RELT: variants seen among roughly 807,000 people sequenced by gnomAD.
The protein encoded by RELT is tumor necrosis factor receptor superfamily member 19L.
In RELT, 37 loss-of-function variants were observed where a neutral mutation model predicts 51.1. That is an observed-to-expected ratio of 0.72 (90% CI 0.56 to 0.95). RELT has a LOEUF of 0.95. Ranked by LOEUF, RELT falls within the 40% of genes least tolerant of loss-of-function variation. RELT has a pLI of 0.00. For missense variants in RELT, 535 were observed against 572.6 expected (o/e 0.93, Z 0.67); for synonymous variants, 241 against 235.7 (o/e 1.02, Z -0.21).
chr11:73,385,262 G>A (rs1039298838), intron 1 of RELT, among the ~76,000 whole-genome samples: 1 of 152,210 alleles, frequency 6.6e-6, no homozygotes, highest in African/African-American at 2.4e-5. Flanking sequence ...ACCCCAGCGA[G>A]CTTCAGTTCT....
In RELT at chr11:73,394,463, T is replaced by C. The variant is rs780686583; in HGVS notation, c.789-14T>C. Reference sequence around the variant, plus strand: ...GGCCTGGCCTATGGCCACTTCTGCCTGTGCCCCCTGCAGGCTGCCGCCAGC... The same window carrying C: ...GGCCTGGCCTATGGCCACTTCTGCCCGTGCCCCCTGCAGGCTGCCGCCAGC... On this transcript the variant is annotated splice_polypyrimidine_tract_variant and intron_variant, in intron 8 of 10. Coordinates refer to ENST00000064780, the MANE Select transcript of RELT (RefSeq NM_152222.2). The surrounding 1 kb of genome is among the most constrained non-coding windows in gnomAD (Gnocchi z 4.9). 2.5e-6 allele frequency: 4 copies of C among 1,609,684 alleles called. No homozygotes were observed. In the African/African-American group the frequency reaches 5.3e-5, roughly 22 times the overall value.
Position 73,394,828 on chromosome 11 carries a change from C to A in RELT, c.1046+94C>A. The stretch of plus-strand genomic sequence containing the variant: ...AGGGCCCCAGCTTGGGCCCTGAGCA[C>A]CCTGCTCAATGGGAGCCCTGCCCTT... On this transcript the variant is annotated intron_variant, in intron 9 of 10. Coordinates refer to ENST00000064780, the MANE Select transcript of RELT (RefSeq NM_152222.2). This position sits in a 1 kb window ranked among gnomAD's most constrained non-coding sequence, Gnocchi z 4.9. 1 of 1,437,962 alleles carries A rather than the reference C, an allele frequency of 7.0e-7. No individual in the cohort carries two copies. The highest frequency in any genetic ancestry group is 9.4e-7 in the Non-Finnish European group (1 of 1,063,308). 89.1% of individuals were successfully genotyped at this position (1,437,962 alleles called of 1,614,324 possible). A position where few individuals can be genotyped will look rare whatever the true frequency, so the allele number is the denominator to read the frequency against.
rs200042090 is a variant in RELT at position 73,394,666 on chromosome 11, G to T, written c.978G>T (p.Pro326=). 1.2e-6 allele frequency: 2 copies of T among 1,613,696 alleles called. No individual in the cohort carries two copies. The highest frequency in any genetic ancestry group is 1.3e-5 in the African/African-American group (1 of 75,042). The change falls in exon 9 of 11, where the codon CCG becomes CCT. Residue 326 remains proline (P), a synonymous_variant. Transcript: ENST00000064780. The surrounding 1 kb of genome is among the most constrained non-coding windows in gnomAD (Gnocchi z 4.9). ...TTPVPSLLPN[P]TRVPKAGAKA... ...CTGTTCCCAGCCTTCTGCCTAACCC[G>T]ACCAGGGTTCCCAAGGCCGGGGCCA...
At chr11:73,387,378 G>A (rs1412971160) in intron 1 of RELT, among the ~76,000 whole-genome samples, 1 of 152,254 alleles carries the variant, frequency 6.6e-6, no homozygotes, top group Non-Finnish European at 1.5e-5. Flanking sequence ...GGGCCATGGG[G>A]AGACAGGCTC....
At chr11:73,392,019 A>G (rs1183227056) in intron 5 of RELT, 192 bp from the exon 6 acceptor site, 3 of 675,798 alleles carry the variant, frequency 4.4e-6, no homozygotes, top group Non-Finnish European at 7.4e-6. Context: ...TGTTCAGGAC[A>G]ATGCTTCGAT....
chr11:73,388,776 C>T lies in RELT; in HGVS notation c.-25-336C>T, dbSNP rs1434575649. ...CCCTGTCATCACGGACACAGGCCGC[C>T]ACACGCGCTTCCTTCCCCTGCTGAT... On this transcript the variant is annotated intron_variant, in intron 1 of 10. Transcript: ENST00000064780. This position sits in a 1 kb window ranked among gnomAD's most constrained non-coding sequence, Gnocchi z 4.1. Among the ~76,000 whole-genome samples the T allele has an allele frequency of 2.0e-5, 3 of 152,056 alleles. No individual in the cohort carries two copies. Among genetic ancestry groups the T allele is most frequent in the African/African-American group, 7.3e-5 (3 of 41,316 alleles).
In RELT at chr11:73,396,331, C is replaced by T. The variant is rs1164243320; in HGVS notation, c.*840C>T. On this transcript the variant is annotated 3_prime_UTR_variant, in exon 11 of 11. Coordinates refer to ENST00000064780, the MANE Select transcript of RELT (RefSeq NM_152222.2). ...CCCGGCAGGACTGTGATACAGAGCC[C>T]TAGCCTGCCCAGCCAGCCCCAAGAT... 1 of 152,316 alleles carries T rather than the reference C, an allele frequency of 6.6e-6. No individual in the cohort carries two copies. Among genetic ancestry groups the T allele is most frequent in the African/African-American group, 2.4e-5 (1 of 41,448 alleles). 9.4% of individuals were successfully genotyped at this position (152,316 alleles called of 1,614,324 possible).
chr11:73,376,731 A>G (rs1306623164), intron 1 of RELT: 1 of 151,294 alleles, frequency 6.6e-6, no homozygotes, highest in Non-Finnish European at 1.5e-5. Flanking sequence ...CGTGACCTGC[A>G]GGTCCTCCGG....
chr11:73,386,402 C>T (rs74894239), intron 1 of RELT, among the ~76,000 whole-genome samples: 2,148 of 152,208 alleles, frequency 0.014, 35 homozygotes, highest in African/African-American at 0.042. Context: ...TTTTTGGTCA[C>T]GGTTCCAGGG....
At chr11:73,377,153 G>T (rs1865980813) in intron 1 of RELT, among the ~76,000 whole-genome samples, 1 of 152,200 alleles carries the variant, frequency 6.6e-6, no homozygotes, top group Admixed American at 6.5e-5. Context: ...CGTGACCGGC[G>T]CAGGGCCAGG....
At position 73,394,382 on chromosome 11, in the gene RELT, C is replaced by T; in HGVS notation, c.788+65C>T. The T allele has an allele frequency of 6.2e-7, 1 of 1,609,330 alleles. No individual in the cohort carries two copies. The highest frequency in any genetic ancestry group is 8.5e-7 in the Non-Finnish European group (1 of 1,176,398). ...ATTAACCAGCCTGCCTCCTGGGGATCTCCCACTTGGGTCTCCCTCAAGTCA... is the reference window on the plus strand; with the variant it reads ...ATTAACCAGCCTGCCTCCTGGGGATTTCCCACTTGGGTCTCCCTCAAGTCA... On this transcript the variant is annotated intron_variant, in intron 8 of 10. Coordinates refer to ENST00000064780, the MANE Select transcript of RELT (RefSeq NM_152222.2). The surrounding 1 kb of genome is among the most constrained non-coding windows in gnomAD (Gnocchi z 4.9).
At position 73,393,040 on chromosome 11, in the gene RELT, C is replaced by T. The variant is rs1314924915; in HGVS notation, c.625+572C>T. The T allele has an allele frequency of 3.0e-6, 3 of 999,612 alleles. No individual in the cohort carries two copies. The African/African-American group carries it at 5.2e-5, about 17-fold the overall frequency. 61.9% of individuals were successfully genotyped at this position (999,612 alleles called of 1,614,324 possible). A position where few individuals can be genotyped will look rare whatever the true frequency, so the allele number is the denominator to read the frequency against. On this transcript the variant is annotated intron_variant, in intron 6 of 10. Coordinates refer to ENST00000064780, the MANE Select transcript of RELT (RefSeq NM_152222.2). ...TACTCCCCTGCAGGGCAGGGGCCCA[C>T]TCGCACACACCCTGCCCTGGGCCCA...
At chr11:73,378,180 T>C (rs1414084848) in intron 1 of RELT, among the ~76,000 whole-genome samples, 1 of 152,138 alleles carries the variant, frequency 6.6e-6, no homozygotes, top group African/African-American at 2.4e-5. Context: ...GGCAAGACCC[T>C]TCTGAGGCCC....
chr11:73,389,471 G>A lies in RELT; in HGVS notation c.45+290G>A, dbSNP rs765186957. Among the ~76,000 whole-genome samples the A allele has an allele frequency of 3.5e-4, 54 of 152,210 alleles. 1 individual carries two copies. The highest frequency in any genetic ancestry group is 2.9e-5 in the Non-Finnish European group (2 of 68,028). On this transcript the variant is annotated intron_variant, in intron 2 of 10. Transcript: ENST00000064780. ...CATGAGAACGGAGCCCAGCCCAGAGGGTATGCTGGGCACCAAGAGGAAACT... is the reference window on the plus strand; with the variant it reads ...CATGAGAACGGAGCCCAGCCCAGAGAGTATGCTGGGCACCAAGAGGAAACT...
At chr11:73,377,545 G>A (rs1321037315) in intron 1 of RELT, among the ~76,000 whole-genome samples, 1 of 151,990 alleles carries the variant, frequency 6.6e-6, no homozygotes. Flanking sequence ...AGCAGGGTAG[G>A]GGCCCTGTGG....
intron 1 of RELT, among the ~76,000 whole-genome samples, chr11:73,378,993 A>G (rs1177044640): frequency 1.3e-5 from 2 of 152,202 alleles, no homozygotes; most frequent in Admixed American, 6.5e-5. Flanking sequence ...GGGAGCAGAC[A>G]GGGAGTGACC....
At position 73,397,165 on chromosome 11, in the gene RELT, G is replaced by C. The variant is rs1866332510; in HGVS notation, c.*1674G>C. The stretch of plus-strand genomic sequence containing the variant: ...CTGTGTGGAGCCCGGGAGGTAATTG[G>C]GGGTGAGGAAGATGTGCGGGCCAGG... On this transcript the variant is annotated 3_prime_UTR_variant, in exon 11 of 11. Transcript: ENST00000064780. The C allele has an allele frequency of 6.6e-6, 1 of 152,370 alleles. No homozygotes were observed. The highest frequency in any genetic ancestry group is 1.5e-5 in the Non-Finnish European group (1 of 68,166). 9.4% of individuals were successfully genotyped at this position (152,370 alleles called of 1,614,324 possible). A position where few individuals can be genotyped will look rare whatever the true frequency, so the allele number is the denominator to read the frequency against.
intron 1 of RELT, among the ~76,000 whole-genome samples, chr11:73,379,170 A>T (rs1866012443): frequency 6.6e-6 from 1 of 152,186 alleles, no homozygotes; most frequent in African/African-American, 2.4e-5. Context: ...GGCTGATGAA[A>T]ATAGCTGTCG....
At chr11:73,387,174 A>G (rs902899552) in intron 1 of RELT, among the ~76,000 whole-genome samples, 6 of 152,052 alleles carry the variant, frequency 3.9e-5, no homozygotes, top group Admixed American at 3.9e-4. Flanking sequence ...TGAACTCCTG[A>G]CCTCGTGATC....
Sources: gnomAD v4.1 joint callset for allele counts (sites outside exome capture counted in the v4.1 genomes callset) on GRCh38, gnomAD v4.1.1 for gene constraint, Gnocchi (gnomAD v3.1) non-coding constraint, MANE v1.5 for transcripts, NCBI Gene and HGNC (gene_info 2026-07-23, HGNC 2026-07-21) for gene names.